The following SYTL4 variants were observed in gnomAD, a reference collection of about 807,000 sequenced individuals.
SYTL4 encodes synaptotagmin-like protein 4.
A neutral mutation model predicts 52.7 loss-of-function variants in SYTL4; 16 were observed. The observed-to-expected ratio is 0.30, with a 90% confidence interval of 0.21 to 0.46. The LOEUF is 0.46. Ranked by LOEUF, SYTL4 falls within the 20% of genes least tolerant of loss-of-function variation. The probability of loss-of-function intolerance (pLI) is 1.00; values close to 1 mark genes in which losing one functional copy is unlikely to be tolerated. For missense variants in SYTL4, 423 were observed against 519.9 expected (o/e 0.81, Z 1.81); for synonymous variants, 160 against 186.6 (o/e 0.86, Z 1.16).
chrX:100,692,032 A>G (rs933131262), intron 8 of SYTL4, among the ~76,000 whole-genome samples: 1 of 111,280 alleles, frequency 9.0e-6, no homozygotes, highest in African/African-American at 3.3e-5. Flanking sequence ...AATATCCTGA[A>G]GCTCTCCATC....
At position 100,675,889 on chromosome X, in the gene SYTL4, T is replaced by TACACAC. The variant is rs10623103; in HGVS notation, c.*138_*139insGTGTGT. 0.05 allele frequency: 19,075 copies of TACACAC among 379,159 alleles called. 228 individuals are homozygous for TACACAC. The highest frequency in any genetic ancestry group is 0.09 in the African/African-American group (3,157 of 34,947). The allele number at this position is 379,159 out of a possible 1,213,427, so 31.2% of individuals were successfully genotyped here. A position where few individuals can be genotyped will look rare whatever the true frequency, so the allele number is the denominator to read the frequency against. On this transcript the variant is annotated 3_prime_UTR_variant, in exon 20 of 20. Transcript: ENST00000372989. ...GAGATTTGCAGAAAATACATGTTTG[T>TACACAC]ACACATACACACACACACACACACA...
rs750588924 is a variant in SYTL4, at chrX:100,685,850, C to G, written c.1449+140G>C. On this transcript the variant is annotated intron_variant, in intron 16 of 19. Coordinates refer to ENST00000372989, the MANE Select transcript of SYTL4 (RefSeq NM_001370165.1). The stretch of plus-strand genomic sequence containing the variant: ...AGACAAATGCCTCTGAAATTGCTGT[C>G]AAACTCAGAAACACCAGCAGGGGGC... 1.4e-5 allele frequency: 8 copies of G among 578,024 alleles called. No individual in the cohort carries two copies. The East Asian group carries it at 2.6e-4, about 19-fold the overall frequency. The allele number at this position is 578,024 out of a possible 1,213,427, so 47.6% of individuals were successfully genotyped here. A position where few individuals can be genotyped will look rare whatever the true frequency, so the allele number is the denominator to read the frequency against.
rs1246781328 is a variant in SYTL4, at chrX:100,691,123, G to A, written c.626C>T (p.Ser209Leu). 7 of 1,203,112 alleles carry A rather than the reference G, an allele frequency of 5.8e-6. No homozygotes were observed. In the East Asian group the frequency reaches 1.5e-4, roughly 26 times the overall value. Residue 209 changes from serine to leucine, a missense_variant, in exon 9 of 20, where the codon TCG becomes TTG. Coordinates refer to ENST00000372989, the MANE Select transcript of SYTL4 (RefSeq NM_001370165.1). ...SESLDSFTAD[S>L]DSTSRRDSLD... The stretch of plus-strand genomic sequence containing the variant: ...GGAACCCCACCTGGAGGTGCTATCC[G>A]AGTCAGCTGTGAAGCTATCCAGACT...
At chrX:100,689,737 G>C (rs922506303) in intron 12 of SYTL4, 119 bp downstream of exon 12, 15 of 347,456 alleles carry the variant, frequency 4.3e-5, no homozygotes, top group African/African-American at 8.2e-5. Flanking sequence ...GGGGTATCAA[G>C]TTTCATGTTG....
Position 100,675,891 on chromosome X carries a change from CACAT to C in SYTL4, c.*133_*136del, listed in dbSNP as rs747727989. On this transcript the variant is annotated 3_prime_UTR_variant, in exon 20 of 20. Transcript: ENST00000372989. ...GATTTGCAGAAAATACATGTTTGTA[CACAT>C]ACACACACACACACACACACACACA... 2,015 of 314,803 alleles carry C rather than the reference CACAT, an allele frequency of 6.4e-3. 1 individual carries two copies. The highest frequency in any genetic ancestry group is 0.026 in the South Asian group (295 of 11,317). 25.9% of individuals were successfully genotyped at this position (314,803 alleles called of 1,213,427 possible).
rs780848178 is a variant in SYTL4, at chrX:100,676,068, T to G, written c.1976A>C (p.Gln659Pro). The change falls in exon 20 of 20, where the codon CAG becomes CCG. Residue 659 changes from glutamine to proline, a missense_variant. Physicochemically the swap from Gln to Pro is moderately conservative, Grantham distance 76. Transcript: ENST00000372989. ...YPGSWAEGTLQLRSSMAKQKL... is the reference protein window; with the variant it reads ...YPGSWAEGTLPLRSSMAKQKL... ...CTGCTTGGCCATTGAGGAACGGAGC[T>G]GCAGAGTCCCTTCTGCCCAAGACCC... 45 of 1,210,999 alleles carry G rather than the reference T, an allele frequency of 3.7e-5. No homozygotes were observed. Among genetic ancestry groups the G allele is most frequent in the Non-Finnish European group, 4.9e-5 (44 of 895,259 alleles).
chrX:100,695,380 A>G (rs1363984902), intron 8 of SYTL4, among the ~76,000 whole-genome samples: 1 of 111,924 alleles, frequency 8.9e-6, no homozygotes, highest in Non-Finnish European at 1.9e-5. Context: ...AGGATAAATA[A>G]GAGTCTTCTG....
intron 8 of SYTL4, among the ~76,000 whole-genome samples, chrX:100,699,410 GAAAAGAAAAA>G (rs1444280289): frequency 1.4e-5 from 1 of 73,294 alleles, no homozygotes; most frequent in African/African-American, 5.2e-5. Flanking sequence ...AAAAAGAAAA[GAAAAGAAAAA>G]AAAAGAAAAG....
intron 2 of SYTL4, among the ~76,000 whole-genome samples, chrX:100,723,277 G>C (rs999652774): frequency 8.9e-6 from 1 of 111,739 alleles, no homozygotes; most frequent in Non-Finnish European, 1.9e-5. Context: ...GCGCCGCCAC[G>C]CCTGACTGGT....
At chrX:100,702,706 C>T (rs773754077) in intron 4 of SYTL4, among the ~76,000 whole-genome samples, 40 of 112,519 alleles carry the variant, frequency 3.6e-4, no homozygotes, top group Non-Finnish European at 7.1e-4. Context: ...TTGAGCACTA[C>T]GCTGACAGGC....
intron 12 of SYTL4, 78 bp downstream of exon 12, chrX:100,689,778 G>T: frequency 1.7e-6 from 1 of 578,564 alleles, no homozygotes; most frequent in Non-Finnish European, 2.8e-6. Flanking sequence ...TAGGTTGACT[G>T]AGAATATCAG....
At chrX:100,705,022 T>C (rs1327405139) in intron 2 of SYTL4, 136 bp from the exon 3 acceptor site, 1 of 111,859 alleles carries the variant, frequency 8.9e-6, no homozygotes, top group Non-Finnish European at 1.9e-5. Flanking sequence ...CACCCTTTCT[T>C]AGACAGTCTT....
intron 2 of SYTL4, among the ~76,000 whole-genome samples, chrX:100,712,343 C>T (rs1301662618): frequency 3.6e-5 from 4 of 112,023 alleles, no homozygotes; most frequent in Admixed American, 9.5e-5. Context: ...TAGAACAAAG[C>T]GGAAACTTAA....
intron 2 of SYTL4, among the ~76,000 whole-genome samples, chrX:100,724,003 C>A (rs1190273931): frequency 1.1e-4 from 10 of 94,049 alleles, no homozygotes; most frequent in African/African-American, 2.7e-4. Context: ...CCGCCCCGTC[C>A]GGGAGGGAGG....
chrX:100,716,842 T>C (rs1365762949), intron 2 of SYTL4, among the ~76,000 whole-genome samples: 1 of 111,693 alleles, frequency 9.0e-6, no homozygotes, highest in Non-Finnish European at 1.9e-5. Flanking sequence ...TAGATACCTA[T>C]TCCAGGCTAC....
rs1034002190 is a variant in SYTL4 at position 100,675,406 on chromosome X, G to A, written c.*622C>T. Reference sequence around the variant, plus strand: ...GAACTGGAAAAAGCTTGGGAATTCTGTTAGCATTTCAAAGAAAAGCATTAG... The same window carrying A: ...GAACTGGAAAAAGCTTGGGAATTCTATTAGCATTTCAAAGAAAAGCATTAG... On this transcript the variant is annotated 3_prime_UTR_variant, in exon 20 of 20. Coordinates refer to ENST00000372989, the MANE Select transcript of SYTL4 (RefSeq NM_001370165.1). 4.4e-5 allele frequency: 5 copies of A among 112,937 alleles called. No individual in the cohort carries two copies. The highest frequency in any genetic ancestry group is 1.3e-4 in the African/African-American group (4 of 31,028). 9.3% of individuals were successfully genotyped at this position (112,937 alleles called of 1,213,427 possible).
chrX:100,682,457 C>G (rs2083392292), intron 16 of SYTL4, among the ~76,000 whole-genome samples: 1 of 110,318 alleles, frequency 9.1e-6, no homozygotes, highest in Non-Finnish European at 1.9e-5. Flanking sequence ...ATTTGTAATC[C>G]CAGCATTTTG....
chrX:100,677,105 C>T (rs1461535221), intron 19 of SYTL4, among the ~76,000 whole-genome samples: 1 of 112,059 alleles, frequency 8.9e-6, no homozygotes, highest in African/African-American at 3.2e-5. Context: ...TAGTGACTGA[C>T]TCAGGAACTA....
chrX:100,701,295 C>A lies in SYTL4; in HGVS notation c.361G>T (p.Asp121Tyr). Reference protein sequence around the residue: ...LKKATGDWFYDQKVNRFAYRT... With the variant: ...LKKATGDWFYYQKVNRFAYRT... ...TAAGCAAAGCGATTCACTTTCTGGT[C>A]ATAAAACCAGTCCCCAGTTGCTTTC... The change falls in exon 7 of 20, where the codon GAC (aspartate) becomes TAC (tyrosine). Residue 121 changes from aspartate to tyrosine, a missense_variant. Coordinates refer to ENST00000372989, the MANE Select transcript of SYTL4 (RefSeq NM_001370165.1). 1 of 1,211,179 alleles carries A rather than the reference C, an allele frequency of 8.3e-7. No homozygotes were observed. Among genetic ancestry groups the A allele is most frequent in the Non-Finnish European group, 1.1e-6 (1 of 894,807 alleles).
Sources: gnomAD v4.1 joint callset for allele counts (sites outside exome capture counted in the v4.1 genomes callset) on GRCh38, gnomAD v4.1.1 for gene constraint, MANE v1.5 for transcripts, NCBI Gene and HGNC (gene_info 2026-07-23, HGNC 2026-07-21) for gene names.